The following PARD3 variants were observed in gnomAD, a reference collection of about 807,000 sequenced individuals.
PARD3 encodes the protein par-3 family cell polarity regulator, also known as partitioning defective 3 homolog.
PARD3 carries 75 observed loss-of-function variants against 155.4 expected under a neutral mutation model. The ratio of observed to expected loss-of-function variants is 0.48; its 90% CI spans 0.40 to 0.58. The LOEUF is 0.58. Among genes scored for constraint, PARD3 ranks in the 20% least tolerant of loss-of-function variants. PARD3 has a pLI of 0.00. For synonymous variants in PARD3, 576 were observed against 610.5 expected (o/e 0.94, Z 0.83); for missense variants, 1,642 against 1,721.7 (o/e 0.95, Z 0.82).
At chr10:34,602,107 T>C (rs1461702575) in intron 2 of PARD3, among the ~76,000 whole-genome samples, 1 of 152,226 alleles carries the variant, frequency 6.6e-6, no homozygotes, top group East Asian at 1.9e-4. Context: ...CACTCTACTG[T>C]CTTACTGAAC....
chr10:34,278,053 C>G (rs1406869700), intron 21 of PARD3, among the ~76,000 whole-genome samples: 1 of 152,044 alleles, frequency 6.6e-6, no homozygotes, highest in Non-Finnish European at 1.5e-5. Flanking sequence ...ATTGTCTTTT[C>G]CCCCTGCCCA....
intron 5 of PARD3, among the ~76,000 whole-genome samples, chr10:34,446,997 A>G (rs1037452476): frequency 1.3e-5 from 2 of 151,954 alleles, no homozygotes; most frequent in African/African-American, 4.8e-5. Context: ...AAGCAACTAA[A>G]CCCTCTCTGA....
intron 2 of PARD3, among the ~76,000 whole-genome samples, chr10:34,617,572 C>T (rs760309590): frequency 1.3e-5 from 2 of 152,176 alleles, no homozygotes; most frequent in African/African-American, 2.4e-5. Flanking sequence ...TTAAATATCA[C>T]ACCGTATGCC....
intron 2 of PARD3, among the ~76,000 whole-genome samples, chr10:34,579,554 C>CTGTGTGTGTGTG (rs554959827): frequency 0.025 from 3,100 of 122,492 alleles, 41 homozygotes; most frequent in Non-Finnish European, 0.028. Flanking sequence ...ACCATTTTCT[C>CTGTGTGTGTGTG]TGTGTGTGTG....
At chr10:34,737,641 C>T (rs146890810) in intron 1 of PARD3, among the ~76,000 whole-genome samples, 69 of 152,264 alleles carry the variant, frequency 4.5e-4, no homozygotes, top group African/African-American at 1.6e-3. Context: ...GAAAAGGGCC[C>T]TCGGCTCCCC....
At chr10:34,411,081 T>C (rs895455023) in intron 5 of PARD3, among the ~76,000 whole-genome samples, 4 of 152,190 alleles carry the variant, frequency 2.6e-5, no homozygotes, top group Non-Finnish European at 4.4e-5. Flanking sequence ...GCAGGCTAAC[T>C]TGTTAGCTTG....
chr10:34,474,492 T>C (rs888666034), intron 3 of PARD3, among the ~76,000 whole-genome samples: 4 of 152,128 alleles, frequency 2.6e-5, no homozygotes, highest in Non-Finnish European at 4.4e-5. Context: ...TTTTATGGAG[T>C]TTTCACACAC....
At chr10:34,517,457 T>C (rs1017701398) in intron 2 of PARD3, among the ~76,000 whole-genome samples, 8 of 152,140 alleles carry the variant, frequency 5.3e-5, no homozygotes, top group African/African-American at 1.2e-4. Flanking sequence ...CTTAAAAATA[T>C]AGGATATTTA....
chr10:34,631,348 A>G lies in PARD3; in HGVS notation c.222+64970T>C, dbSNP rs111522255. ...AGGCAAGTACATTGATTGAAGTAAC[A>G]TGAGAGAGAAGGGGTGGGTGTAGCA... On this transcript the variant is annotated intron_variant, in intron 2 of 24. Transcript: ENST00000374788. Among the ~76,000 whole-genome samples, 1,101 of 152,244 alleles carry G rather than the reference A, an allele frequency of 7.2e-3. 14 individuals are homozygous for G. The highest frequency in any genetic ancestry group is 0.025 in the African/African-American group (1,034 of 41,548).
At chr10:34,631,968 G>A (rs773475100) in intron 2 of PARD3, among the ~76,000 whole-genome samples, 6 of 152,234 alleles carry the variant, frequency 3.9e-5, no homozygotes, top group Middle Eastern at 3.4e-3. Flanking sequence ...TAGGTCTCTC[G>A]TATTGATGTT....
intron 22 of PARD3, among the ~76,000 whole-genome samples, chr10:34,248,844 AAC>A (rs145911902): frequency 2.6e-5 from 4 of 152,152 alleles, no homozygotes; most frequent in Admixed American, 2.0e-4. Flanking sequence ...TGTTAACTCC[AAC>A]ACACACACAC....
chr10:34,309,311 C>A (rs915593431), intron 20 of PARD3, among the ~76,000 whole-genome samples: 4 of 152,022 alleles, frequency 2.6e-5, no homozygotes, highest in African/African-American at 9.7e-5. Flanking sequence ...CTCATCTCAG[C>A]ATGCTGGGAG....
At chr10:34,788,553 G>A (rs774332497) in intron 1 of PARD3, among the ~76,000 whole-genome samples, 20 of 151,612 alleles carry the variant, frequency 1.3e-4, no homozygotes, top group Non-Finnish European at 2.6e-4. Context: ...GGGTTCAAGT[G>A]ATTCTCCTGC....
rs72786211 is a variant in PARD3, at chr10:34,197,333, G to A, written c.3420-65750C>T. 3.9e-3 allele frequency among the ~76,000 whole-genome samples: 589 copies of A among 152,228 alleles called. 2 individuals are homozygous for A. The highest frequency in any genetic ancestry group is 7.1e-3 in the Admixed American group (109 of 15,292). Reference sequence around the variant, plus strand: ...GAGGGAACTGATTGGACCAGGCCTGGAATGAAACCTTCCCCCGACTGGTTT... The same window carrying A: ...GAGGGAACTGATTGGACCAGGCCTGAAATGAAACCTTCCCCCGACTGGTTT... On this transcript the variant is annotated intron_variant, in intron 22 of 24. Transcript: ENST00000374788.
chr10:34,715,108 C>T (rs1590785507), intron 1 of PARD3, among the ~76,000 whole-genome samples: 1 of 149,948 alleles, frequency 6.7e-6, no homozygotes, highest in African/African-American at 2.5e-5. Flanking sequence ...GACAAGGTCT[C>T]GCTCTGTCAC....
chr10:34,263,299 C>T (rs1417028997), intron 22 of PARD3, among the ~76,000 whole-genome samples: 1 of 152,100 alleles, frequency 6.6e-6, no homozygotes, highest in African/African-American at 2.4e-5. Context: ...GAGGCAAGTA[C>T]CATTATTATC....
chr10:34,264,857 C>T (rs1405134752), intron 22 of PARD3, among the ~76,000 whole-genome samples: 1 of 151,940 alleles, frequency 6.6e-6, no homozygotes, highest in Non-Finnish European at 1.5e-5. Flanking sequence ...TCAAGTGATC[C>T]TCCTGCCCTG....
chr10:34,299,561 A>T (rs116835119), intron 20 of PARD3, among the ~76,000 whole-genome samples: 89 of 152,346 alleles, frequency 5.8e-4, no homozygotes, highest in African/African-American at 2.1e-3. Flanking sequence ...TTTATGACTC[A>T]GAGAATGTCT....
At chr10:34,459,072 C>T (rs185353525) in intron 4 of PARD3, among the ~76,000 whole-genome samples, 5 of 152,356 alleles carry the variant, frequency 3.3e-5, no homozygotes, top group African/African-American at 1.2e-4. Context: ...CTAAAAGCTG[C>T]TTAACTCTGA....
Sources: allele counts gnomAD v4.1 joint callset (sites outside exome capture counted in the v4.1 genomes callset), GRCh38; gene constraint gnomAD v4.1.1; transcripts MANE v1.5; gene names NCBI Gene and HGNC (gene_info 2026-07-23, HGNC 2026-07-21).